GAP43: variants seen among roughly 807,000 people sequenced by gnomAD.
GAP43 encodes growth associated protein 43.
GAP43 carries 6 observed loss-of-function variants against 18.6 expected under a neutral mutation model. The observed-to-expected ratio is 0.32, with a 90% confidence interval of 0.18 to 0.64. The LOEUF is 0.64. GAP43 is among the 30% of genes least tolerant of loss of function. GAP43 has a pLI of 0.78. For missense variants in GAP43, 292 were observed against 295.5 expected (o/e 0.99, Z 0.09); for synonymous variants, 115 against 111.4 (o/e 1.03, Z -0.20).
chr3:115,672,222 G>C (rs1346443149), intron 1 of GAP43, among the ~76,000 whole-genome samples: 1 of 152,146 alleles, frequency 6.6e-6, no homozygotes, highest in Non-Finnish European at 1.5e-5. Flanking sequence ...ATTTAGGCAA[G>C]TCACTTAACT....
chr3:115,687,254 C>T (rs1050794864), intron 2 of GAP43, among the ~76,000 whole-genome samples: 1 of 152,126 alleles, frequency 6.6e-6, no homozygotes, highest in Non-Finnish European at 1.5e-5. Context: ...GAGTCAATGC[C>T]AATCGATCTC....
At chr3:115,709,783 C>G (rs1429488985) in intron 2 of GAP43, among the ~76,000 whole-genome samples, 1 of 151,804 alleles carries the variant, frequency 6.6e-6, no homozygotes, top group Non-Finnish European at 1.5e-5. Context: ...CTTTATAGCA[C>G]TTTAAAGTCT....
rs1032845517 is a variant in GAP43 at position 115,676,191 on chromosome 3, A to G, written c.209A>G (p.Asp70Gly). The stretch of plus-strand genomic sequence containing the variant: ...GCTGAGGCTGAAGCTAATAAGAAGG[A>G]TGAAGCCCCTGTTGCCGATGGGGTG... ...QAAEAEANKK[D>G]EAPVADGVEK... The change falls in exon 2 of 3, where the codon GAT (aspartate) becomes GGT (glycine). Residue 70 changes from aspartate (D) to glycine (G), a missense_variant. Transcript: ENST00000305124. The G allele has an allele frequency of 1.2e-6, 2 of 1,614,076 alleles. No individual in the cohort carries two copies. The highest frequency in any genetic ancestry group is 2.7e-5 in the African/African-American group (2 of 74,934).
chr3:115,674,564 C>T (rs1441743930), intron 1 of GAP43, among the ~76,000 whole-genome samples: 1 of 152,102 alleles, frequency 6.6e-6, no homozygotes, highest in Non-Finnish European at 1.5e-5. Flanking sequence ...GATGATAATA[C>T]GAACACATTT....
chr3:115,643,192 C>T (rs1481427808), intron 1 of GAP43, among the ~76,000 whole-genome samples: 1 of 152,094 alleles, frequency 6.6e-6, no homozygotes, highest in Non-Finnish European at 1.5e-5. Context: ...AATACCTAGA[C>T]TCAGTCACTT....
intron 1 of GAP43, among the ~76,000 whole-genome samples, chr3:115,630,167 C>G (rs908467531): frequency 6.6e-6 from 1 of 152,080 alleles, no homozygotes; most frequent in Non-Finnish European, 1.5e-5. Flanking sequence ...ACAAATAGAC[C>G]GTAAATCAAT....
intron 1 of GAP43, among the ~76,000 whole-genome samples, chr3:115,636,184 A>G (rs1320138173): frequency 2.0e-5 from 3 of 152,090 alleles, no homozygotes; most frequent in East Asian, 1.9e-4. Context: ...GGTTCCCTCA[A>G]AAAGTGTCAT....
chr3:115,683,126 C>CGCGCGT (rs1445284631), intron 2 of GAP43, among the ~76,000 whole-genome samples: 120 of 28,598 alleles, frequency 4.2e-3, no homozygotes, highest in Admixed American at 6.1e-3. Context: ...CATACATGTG[C>CGCGCGT]GCGCGCGTGC....
chr3:115,702,942 A>G (rs956812071), intron 2 of GAP43, among the ~76,000 whole-genome samples: 1 of 150,700 alleles, frequency 6.6e-6, no homozygotes, highest in Non-Finnish European at 1.5e-5. Flanking sequence ...TCATATGGAG[A>G]AGAGTGTTCT....
intron 2 of GAP43, among the ~76,000 whole-genome samples, chr3:115,715,776 T>C (rs534691299): frequency 1.3e-5 from 2 of 152,334 alleles, no homozygotes; most frequent in South Asian, 4.1e-4. Context: ...TTTTAAACGT[T>C]GTAATCTTCA....
chr3:115,680,375 G>T (rs1323999502), intron 2 of GAP43, among the ~76,000 whole-genome samples: 1 of 152,164 alleles, frequency 6.6e-6, no homozygotes, highest in Non-Finnish European at 1.5e-5. Flanking sequence ...AAGATCACCT[G>T]AGCCCGGGAG....
intron 1 of GAP43, among the ~76,000 whole-genome samples, chr3:115,624,864 A>G (rs1708165777): frequency 1.4e-5 from 2 of 140,780 alleles, no homozygotes. Context: ...GGTGTGGGAT[A>G]CGGGTGAGTG....
intron 1 of GAP43, among the ~76,000 whole-genome samples, chr3:115,625,576 AG>A (rs1177912464): frequency 3.9e-5 from 6 of 152,212 alleles, no homozygotes; most frequent in Non-Finnish European, 5.9e-5. Flanking sequence ...AAAAATATTC[AG>A]GTTCATAATT....
At chr3:115,653,307 T>C (rs1708543789) in intron 1 of GAP43, among the ~76,000 whole-genome samples, 1 of 152,048 alleles carries the variant, frequency 6.6e-6, no homozygotes, top group African/African-American at 2.4e-5. Flanking sequence ...CTGGGTGTGG[T>C]GGCGCATGCC....
chr3:115,720,940 C>A lies in GAP43; in HGVS notation c.*58C>A. Reference sequence around the variant, plus strand: ...TCCCCTCTCCTGAGCCTGTCTCTCCCTACCCTCTTCTCAGCTCCACTCTGA... The same window carrying A: ...TCCCCTCTCCTGAGCCTGTCTCTCCATACCCTCTTCTCAGCTCCACTCTGA... On this transcript the variant is annotated 3_prime_UTR_variant, in exon 3 of 3. Transcript: ENST00000305124. 1.7e-6 allele frequency: 2 copies of A among 1,178,210 alleles called. No individual in the cohort carries two copies. The highest frequency in any genetic ancestry group is 1.5e-5 in the African/African-American group (1 of 66,166). The allele number at this position is 1,178,210 out of a possible 1,614,324, so 73.0% of individuals were successfully genotyped here.
At chr3:115,720,678 A>T in intron 2 of GAP43, 116 bp from the exon 3 acceptor site, 5 of 645,152 alleles carry the variant, frequency 7.8e-6, no homozygotes, top group Non-Finnish European at 1.4e-5. Flanking sequence ...TTTTAATCTT[A>T]ATGCTCTTAT....
chr3:115,705,317 T>C (rs1709346226), intron 2 of GAP43, among the ~76,000 whole-genome samples: 1 of 152,210 alleles, frequency 6.6e-6, no homozygotes. Flanking sequence ...TTAACCCTGG[T>C]GTCAGATAAT....
At chr3:115,718,699 G>T (rs1709540771) in intron 2 of GAP43, among the ~76,000 whole-genome samples, 1 of 152,160 alleles carries the variant, frequency 6.6e-6, no homozygotes, top group African/African-American at 2.4e-5. Flanking sequence ...CTGGTCAAAA[G>T]TGAGTATTAT....
In GAP43 at chr3:115,644,780, G is replaced by A. The variant is rs927315800; in HGVS notation, c.30+21061G>A. On this transcript the variant is annotated intron_variant, in intron 1 of 2. Transcript: ENST00000305124. This position sits in a 1 kb window ranked among gnomAD's most constrained non-coding sequence, Gnocchi z 4.2. ...AAGGATAAAATGTATAATGGCAAGT[G>A]GCACAATGTCAGACACTGGGTTCTG... is the stretch of plus-strand genomic sequence containing the variant. Among the ~76,000 whole-genome samples, 3 of 152,010 alleles carry A rather than the reference G, an allele frequency of 2.0e-5. No individual in the cohort carries two copies. Among genetic ancestry groups the A allele is most frequent in the Non-Finnish European group, 4.4e-5 (3 of 67,970 alleles).
Sources: gnomAD v4.1 joint callset for allele counts (sites outside exome capture counted in the v4.1 genomes callset) on GRCh38, gnomAD v4.1.1 for gene constraint, Gnocchi (gnomAD v3.1) non-coding constraint, MANE v1.5 for transcripts, NCBI Gene and HGNC (gene_info 2026-07-23, HGNC 2026-07-21) for gene names.